GPC6: variants seen among roughly 807,000 people sequenced by gnomAD.
GPC6 encodes the protein glypican 6.
GPC6 carries 14 observed loss-of-function variants against 55.2 expected under a neutral mutation model. The observed-to-expected ratio is 0.25, with a 90% CI of 0.17 to 0.40. The LOEUF is 0.40. GPC6 is among the 10% of genes least tolerant of loss of function. GPC6 has a pLI of 1.00. For missense variants in GPC6, 641 were observed against 708.5 expected (o/e 0.90, Z 1.08); for synonymous variants, 278 against 259.6 (o/e 1.07, Z -0.68).
Position 94,126,215 on chromosome 13 carries a change from A to AC in GPC6, c.877+98322dup, listed in dbSNP as rs147785372. ...GGCAACATAGCAAGATCCCATCTCT[A>AC]CAAAAAAAAAATTGAAAATTAGTTG... On this transcript the variant is annotated intron_variant, in intron 4 of 8. Coordinates refer to ENST00000377047, the MANE Select transcript of GPC6 (RefSeq NM_005708.5). Among the ~76,000 whole-genome samples, 1,458 of 152,070 alleles carry AC rather than the reference A, an allele frequency of 9.6e-3. 32 individuals are homozygous for AC. The highest frequency in any genetic ancestry group is 0.034 in the African/African-American group (1,392 of 41,526).
intron 4 of GPC6, among the ~76,000 whole-genome samples, chr13:94,273,772 C>T (rs958395159): frequency 6.6e-6 from 1 of 152,160 alleles, no homozygotes; most frequent in African/African-American, 2.4e-5. Context: ...GTAGGAGGCA[C>T]TAGAAACATA....
chr13:93,399,501 T>C (rs946506428), intron 1 of GPC6, among the ~76,000 whole-genome samples: 1 of 152,170 alleles, frequency 6.6e-6, no homozygotes, highest in African/African-American at 2.4e-5. Flanking sequence ...ACACAGGAAT[T>C]CACATCCAGG....
At chr13:94,210,020 A>C (rs1281268184) in intron 4 of GPC6, among the ~76,000 whole-genome samples, 1 of 150,688 alleles carries the variant, frequency 6.6e-6, no homozygotes, top group African/African-American at 2.4e-5. Flanking sequence ...GCTAATTTTT[A>C]AATTTTTTTT....
intron 2 of GPC6, among the ~76,000 whole-genome samples, chr13:93,784,578 C>T (rs1005262650): frequency 3.9e-5 from 6 of 152,130 alleles, no homozygotes; most frequent in Non-Finnish European, 5.9e-5. Flanking sequence ...TTTCTAAGGC[C>T]GAGGTTTATT....
intron 1 of GPC6, among the ~76,000 whole-genome samples, chr13:93,240,850 T>C (rs1456609306): frequency 6.6e-6 from 1 of 152,164 alleles, no homozygotes; most frequent in African/African-American, 2.4e-5. Context: ...ACAGATTCTC[T>C]CCGAGTTTGC....
chr13:94,138,524 T>C (rs1887263696), intron 4 of GPC6, among the ~76,000 whole-genome samples: 1 of 152,224 alleles, frequency 6.6e-6, no homozygotes, highest in Non-Finnish European at 1.5e-5. Flanking sequence ...CTTTGTCTTC[T>C]TTGAGACACT....
intron 4 of GPC6, among the ~76,000 whole-genome samples, chr13:94,178,837 A>T: frequency 6.6e-6 from 1 of 152,202 alleles, no homozygotes; most frequent in Non-Finnish European, 1.5e-5. Flanking sequence ...AGGTGAGAGC[A>T]GATGAGATGA....
chr13:93,559,429 C>T (rs369029399), intron 2 of GPC6, among the ~76,000 whole-genome samples: 11 of 152,230 alleles, frequency 7.2e-5, no homozygotes, highest in African/African-American at 2.6e-4. Context: ...AACCAACAAC[C>T]GTGCTGGGCA....
chr13:93,220,130 A>G, the GPC6 span, among the ~76,000 whole-genome samples: 1 of 152,234 alleles, frequency 6.6e-6, no homozygotes, highest in Non-Finnish European at 1.5e-5. Context: ...AATTAATGAT[A>G]GATAATTAAC....
chr13:94,271,184 G>A (rs899454559), intron 4 of GPC6, among the ~76,000 whole-genome samples: 3 of 150,894 alleles, frequency 2.0e-5, no homozygotes, highest in African/African-American at 4.9e-5. Context: ...GTAGAGACGG[G>A]GTTTCACCGT....
At chr13:93,895,234 G>GTGTATATATA (rs1196315147) in intron 3 of GPC6, among the ~76,000 whole-genome samples, 44 of 108,214 alleles carry the variant, frequency 4.1e-4, no homozygotes, top group East Asian at 1.0e-3. Flanking sequence ...GTGTGTGTGT[G>GTGTATATATA]TATATATATA....
At chr13:93,801,473 C>T (rs1000511099) in intron 2 of GPC6, among the ~76,000 whole-genome samples, 8 of 152,072 alleles carry the variant, frequency 5.3e-5, no homozygotes, top group Admixed American at 5.2e-4. Flanking sequence ...GAGACACTGT[C>T]GAAATGTCTG....
chr13:93,436,054 A>C (rs1366812875), intron 1 of GPC6, among the ~76,000 whole-genome samples: 1 of 152,184 alleles, frequency 6.6e-6, no homozygotes, highest in Non-Finnish European at 1.5e-5. Flanking sequence ...GTGTTGCTTA[A>C]GTAAATCCCC....
intron 6 of GPC6, among the ~76,000 whole-genome samples, chr13:94,316,342 G>T (rs1008941831): frequency 3.3e-5 from 5 of 152,102 alleles, no homozygotes; most frequent in Non-Finnish European, 7.3e-5. Context: ...CAGAGCAAAG[G>T]ATCCCACCCC....
chr13:93,440,170 A>C (rs559533949), intron 1 of GPC6, among the ~76,000 whole-genome samples: 3 of 152,274 alleles, frequency 2.0e-5, no homozygotes, highest in African/African-American at 4.8e-5. Context: ...TCATATAAAA[A>C]ATTTTCTCAT....
chr13:94,213,522 T>A (rs1890143581), intron 4 of GPC6, among the ~76,000 whole-genome samples: 2 of 152,304 alleles, frequency 1.3e-5, no homozygotes, highest in Non-Finnish European at 2.9e-5. Flanking sequence ...GCTGGGTGGT[T>A]CTTCTAGTCC....
chr13:93,838,832 A>G (rs1053589569), intron 3 of GPC6, among the ~76,000 whole-genome samples: 2 of 152,134 alleles, frequency 1.3e-5, no homozygotes, highest in Admixed American at 6.5e-5. Context: ...CCCCAGAGTC[A>G]GGGATGGAAC....
intron 4 of GPC6, among the ~76,000 whole-genome samples, chr13:94,229,605 AC>A (rs1231173370): frequency 6.6e-6 from 1 of 152,200 alleles, no homozygotes; most frequent in Non-Finnish European, 1.5e-5. Context: ...GGTAGGGTAG[AC>A]TGCTGCATGA....
At chr13:93,264,747 G>T (rs554022980) in intron 1 of GPC6, among the ~76,000 whole-genome samples, 263 of 151,970 alleles carry the variant, frequency 1.7e-3, no homozygotes, top group South Asian at 4.0e-3. Flanking sequence ...ACCTAATACA[G>T]TGTAAATGCT....
Sources: allele counts gnomAD v4.1 joint callset (sites outside exome capture counted in the v4.1 genomes callset), GRCh38; gene constraint gnomAD v4.1.1; transcripts MANE v1.5; gene names NCBI Gene and HGNC (gene_info 2026-07-23, HGNC 2026-07-21).